PAXIP1: variants seen among roughly 807,000 people sequenced by gnomAD.
The protein encoded by PAXIP1 is PAX-interacting protein 1.
PAXIP1 carries 19 observed loss-of-function variants against 140.6 expected under a neutral mutation model. The observed-to-expected ratio is 0.14, with a 90% CI of 0.09 to 0.20. The LOEUF is 0.20. PAXIP1 is among the 10% of genes least tolerant of loss of function. The probability of loss-of-function intolerance (pLI) is 1.00; values close to 1 mark genes in which losing one functional copy is unlikely to be tolerated. For synonymous variants in PAXIP1, 442 were observed against 444.6 expected, an observed-to-expected ratio of 0.99 and a Z score of 0.07; for missense variants, 920 against 1,208.6, an observed-to-expected ratio of 0.76 and a Z score of 3.54.
chr7:154,962,174 G>T, intron 10 of PAXIP1, 147 bp downstream of exon 10: 1 of 711,848 alleles, frequency 1.4e-6, no homozygotes, highest in South Asian at 2.1e-5. Context: ...TATTTCTTAT[G>T]AGCAGGCACT....
In PAXIP1 at chr7:154,961,075, G is replaced by A. The variant is rs1257281083; in HGVS notation, c.2252C>T (p.Pro751Leu). The A allele has an allele frequency of 6.5e-7, 1 of 1,546,872 alleles. No homozygotes were observed. Among genetic ancestry groups the A allele is most frequent in the South Asian group, 1.2e-5 (1 of 81,088 alleles). ...GGCTTTTTCATACTTTAAACCAGTT[G>A]GTCTTTTTATTTTTTGAGGAGAAAA... Reference protein sequence around the residue: ...RSNTVLICKEPTGLKYEKAKE... With the variant: ...RSNTVLICKELTGLKYEKAKE... The change falls in exon 12 of 21, where the codon CCA becomes CTA. Residue 751 changes from proline (P) to leucine (L), a missense_variant and splice_region_variant. This residue lies in a region of PAXIP1 where 303 missense variants were observed against 517.9 expected (regional missense o/e 0.59). Transcript: ENST00000404141.
rs1235180058 is a variant in PAXIP1 at position 154,943,855 on chromosome 7, G to C, written c.*294C>G. 2.8e-6 allele frequency: 1 copy of C among 356,606 alleles called. No individual in the cohort carries two copies. Among genetic ancestry groups the C allele is most frequent in the Non-Finnish European group, 5.2e-6 (1 of 191,346 alleles). 22.1% of individuals were successfully genotyped at this position (356,606 alleles called of 1,614,324 possible). ...TTACACCATTTTATTTCTAGTTGAAGTCCCGTAACAGTTTTGTGAAAACAT... is the reference window on the plus strand; with the variant it reads ...TTACACCATTTTATTTCTAGTTGAACTCCCGTAACAGTTTTGTGAAAACAT... On this transcript the variant is annotated 3_prime_UTR_variant, in exon 21 of 21. Coordinates refer to ENST00000404141, the MANE Select transcript of PAXIP1 (RefSeq NM_007349.4).
chr7:154,955,547 C>A lies in PAXIP1; in HGVS notation c.2634G>T (p.Gln878His). The change falls in exon 15 of 21, where the codon CAG becomes CAT. Residue 878 changes from glutamine (Q) to histidine (H), a missense_variant. Transcript: ENST00000404141. ...FVLFTGFEPV[Q>H]VQQYIKKLYI... ...ATTTCACCTTAATATACTGTTGAAC[C>A]TGGACAGGCTCGAATCCAGTGAAAA... is the stretch of plus-strand genomic sequence containing the variant. 6.2e-7 allele frequency: 1 copy of A among 1,609,142 alleles called. No homozygotes were observed. The highest frequency in any genetic ancestry group is 8.5e-7 in the Non-Finnish European group (1 of 1,177,180).
chr7:154,957,007 C>T, intron 14 of PAXIP1: 2 of 392,066 alleles, frequency 5.1e-6, no homozygotes, highest in East Asian at 8.5e-5. Context: ...TATAATATGC[C>T]ACTTAAAGAA....
intron 1 of PAXIP1, among the ~76,000 whole-genome samples, chr7:154,999,103 G>A (rs1055667815): frequency 1.3e-5 from 2 of 152,194 alleles, no homozygotes; most frequent in Non-Finnish European, 2.9e-5. Context: ...TGCTGCGGTG[G>A]GGCCACGCAC....
intron 16 of PAXIP1, among the ~76,000 whole-genome samples, chr7:154,952,513 G>A (rs966520527): frequency 1.3e-5 from 2 of 152,250 alleles, no homozygotes; most frequent in Admixed American, 6.5e-5. Flanking sequence ...AGAAGGCAGT[G>A]ATGTGCCTTA....
intron 2 of PAXIP1, among the ~76,000 whole-genome samples, 168 bp from the exon 3 acceptor site, chr7:154,993,937 C>T (rs1810462640): frequency 6.6e-6 from 1 of 152,132 alleles, no homozygotes; most frequent in African/African-American, 2.4e-5. Context: ...AGATTAGTTA[C>T]TAATACCCAA....
intron 16 of PAXIP1, among the ~76,000 whole-genome samples, chr7:154,953,061 G>A (rs983618070): frequency 4.6e-5 from 7 of 152,172 alleles, no homozygotes; most frequent in African/African-American, 1.7e-4. Flanking sequence ...GGCCAAAAAT[G>A]TGACATGAAT....
chr7:155,002,843 C>T lies in PAXIP1; in HGVS notation c.81+6G>A. The T allele has an allele frequency of 1.5e-6, 2 of 1,367,682 alleles. No homozygotes were observed. The highest frequency in any genetic ancestry group is 1.9e-6 in the Non-Finnish European group (2 of 1,039,432). The allele number at this position is 1,367,682 out of a possible 1,614,324, so 84.7% of individuals were successfully genotyped here. A position where few individuals can be genotyped will look rare whatever the true frequency, so the allele number is the denominator to read the frequency against. The stretch of plus-strand genomic sequence containing the variant: ...GAGGAGGCCGCGGCAGGGGCGGGCG[C>T]GGTACCTGCGGGTCGATGTCGCCCA... On this transcript the variant is annotated splice_donor_region_variant and intron_variant, in intron 1 of 20. Coordinates refer to ENST00000404141, the MANE Select transcript of PAXIP1 (RefSeq NM_007349.4).
rs542061235 is a variant in PAXIP1 at position 154,963,125 on chromosome 7, C to T, written c.1989+546G>A. 2.0e-5 allele frequency among the ~76,000 whole-genome samples: 3 copies of T among 152,260 alleles called. No homozygotes were observed. Among genetic ancestry groups the T allele is most frequent in the East Asian group, 1.9e-4 (1 of 5,182 alleles). ...AGTACAGAATCCTGCGTCCCTTCAC[C>T]GTGCACAGAGAGCAGCTGGAATGGT... On this transcript the variant is annotated intron_variant, in intron 9 of 20. Coordinates refer to ENST00000404141, the MANE Select transcript of PAXIP1 (RefSeq NM_007349.4). The surrounding 1 kb of genome is among the most constrained non-coding windows in gnomAD (Gnocchi z 4.1).
intron 20 of PAXIP1, chr7:154,945,424 ATATACT>A: frequency 2.2e-6 from 1 of 461,726 alleles, no homozygotes; most frequent in South Asian, 9.1e-5. Context: ...TTAAATGTAA[ATATACT>A]TAAATGTAAT....
chr7:154,953,129 TAAATAAGGTGAGTTTA>T (rs1332885025), intron 16 of PAXIP1, among the ~76,000 whole-genome samples: 1 of 151,254 alleles, frequency 6.6e-6, no homozygotes, highest in East Asian at 2.0e-4. Context: ...TGTTAAGTGA[TAAATAAGGTGAGTTTA>T]GCCACAAGAG....
chr7:154,985,202 T>C (rs1247845497), intron 4 of PAXIP1, among the ~76,000 whole-genome samples: 1 of 152,228 alleles, frequency 6.6e-6, no homozygotes, highest in African/African-American at 2.4e-5. Flanking sequence ...CATTTTTATT[T>C]TCATTTTTAT....
chr7:154,947,794 G>A, intron 17 of PAXIP1, 109 bp downstream of exon 17: 2 of 804,208 alleles, frequency 2.5e-6, no homozygotes, highest in Non-Finnish European at 4.4e-6. Context: ...TGCAGGGTGA[G>A]CCCAGCTCCC....
At chr7:154,948,741 A>G (rs1160916531) in intron 16 of PAXIP1, 1 of 151,724 alleles carries the variant, frequency 6.6e-6, no homozygotes, top group Non-Finnish European at 1.5e-5. Flanking sequence ...ACAAGCTTCA[A>G]ATAATCCCAT....
At chr7:154,965,031 CTA>C (rs1369329174) in intron 8 of PAXIP1, 2 of 152,260 alleles carry the variant, frequency 1.3e-5, no homozygotes, top group Admixed American at 6.5e-5. Context: ...CTTTACTCCC[CTA>C]GCCTTAAATA....
chr7:155,000,662 C>T (rs1372302244), intron 1 of PAXIP1: 1 of 152,288 alleles, frequency 6.6e-6, no homozygotes, highest in Non-Finnish European at 1.5e-5. Flanking sequence ...AAACACTTTA[C>T]TCGGTTTTCA....
chr7:154,995,515 G>A (rs1810542780), intron 2 of PAXIP1, among the ~76,000 whole-genome samples: 1 of 152,170 alleles, frequency 6.6e-6, no homozygotes, highest in African/African-American at 2.4e-5. Context: ...CAAAAGCAAA[G>A]TGATAAGGAA....
At position 154,968,880 on chromosome 7, in the gene PAXIP1, G is replaced by T. The variant is rs915765500; in HGVS notation, c.1321C>A (p.Pro441Thr). 1 of 985,292 alleles carries T rather than the reference G, an allele frequency of 1.0e-6. No individual in the cohort carries two copies. The highest frequency in any genetic ancestry group is 1.6e-6 in the Non-Finnish European group (1 of 630,496). 61.0% of individuals were successfully genotyped at this position (985,292 alleles called of 1,614,324 possible). Residue 441 changes from proline (P) to threonine (T), a missense_variant, in exon 7 of 21, where the codon CCC becomes ACC. This residue lies in a region of PAXIP1 where 133 missense variants were observed against 88.4 expected (regional missense o/e 1.50). Transcript: ENST00000404141. ...QQQQISQQPY[P>T]QQPPHPFSQQ... Reference sequence around the variant, plus strand: ...GAAAATGGATGCGGCGGCTGCTGGGGGTAAGGTTGCTGAGAGATCTGCTGC... The same window carrying T: ...GAAAATGGATGCGGCGGCTGCTGGGTGTAAGGTTGCTGAGAGATCTGCTGC...
Sources: gnomAD v4.1 joint callset for allele counts (sites outside exome capture counted in the v4.1 genomes callset) on GRCh38, gnomAD v4.1.1 for gene constraint, gnomAD v4.1.1 regional missense constraint, Gnocchi (gnomAD v3.1) non-coding constraint, MANE v1.5 for transcripts, NCBI Gene and HGNC (gene_info 2026-07-23, HGNC 2026-07-21) for gene names.